Variants in DCAF7 observed in about 807,000 individuals in gnomAD.
The protein encoded by DCAF7 is DDB1- and CUL4-associated factor 7.
Under a neutral mutation model 41.2 loss-of-function variants are expected in DCAF7, and 4 were observed. That is an observed-to-expected ratio of 0.10 (90% CI 0.05 to 0.22). The LOEUF (loss-of-function observed/expected upper bound fraction) is 0.22, where lower values mean the gene tolerates loss of function less well. Among genes scored for constraint, DCAF7 ranks in the 10% least tolerant of loss-of-function variants. The pLI is 1.00. For synonymous variants in DCAF7, 143 were observed against 164.2 expected, an observed-to-expected ratio of 0.87 and a Z score of 0.99; for missense variants, 131 against 443.2, an observed-to-expected ratio of 0.30 and a Z score of 6.32.
chr17:63,550,663 G>A lies in DCAF7; in HGVS notation c.-15G>A. The A allele has an allele frequency of 6.2e-7, 1 of 1,612,632 alleles. No individual in the cohort carries two copies. Reference sequence around the variant, plus strand: ...CCACTGTTGACCCGGCCCGTACTGCGGCCCCGTGGCCACCATGTCCCTGCA... The same window carrying A: ...CCACTGTTGACCCGGCCCGTACTGCAGCCCCGTGGCCACCATGTCCCTGCA... On this transcript the variant is annotated 5_prime_UTR_variant, in exon 1 of 7. Transcript: ENST00000614556. This position sits in a 1 kb window ranked among gnomAD's most constrained non-coding sequence, Gnocchi z 4.8.
Position 63,593,699 on chromosome 17 carries a change from G to A in DCAF7, c.*4527G>A, listed in dbSNP as rs2033757221. 1 of 152,616 alleles carries A rather than the reference G, an allele frequency of 6.6e-6. No homozygotes were observed. The highest frequency in any genetic ancestry group is 1.5e-5 in the Non-Finnish European group (1 of 68,038). 9.5% of individuals were successfully genotyped at this position (152,616 alleles called of 1,614,324 possible). Reference sequence around the variant, plus strand: ...TGAAGCTTTGAATCGATTTAGTTGAGTCTGACTCACTTGCTTTGGTTCCTG... The same window carrying A: ...TGAAGCTTTGAATCGATTTAGTTGAATCTGACTCACTTGCTTTGGTTCCTG... On this transcript the variant is annotated 3_prime_UTR_variant, in exon 7 of 7. Transcript: ENST00000614556.
At chr17:63,578,085 A>G (rs1213504642) in intron 1 of DCAF7, among the ~76,000 whole-genome samples, 2 of 152,192 alleles carry the variant, frequency 1.3e-5, no homozygotes, top group Non-Finnish European at 2.9e-5. Flanking sequence ...GTCACTGGCC[A>G]GGCATAGTGA....
At chr17:63,583,787 C>A in intron 5 of DCAF7, 76 bp downstream of exon 5, 1 of 1,461,796 alleles carries the variant, frequency 6.8e-7, no homozygotes, top group East Asian at 2.4e-5. Flanking sequence ...GGCTGGTTCT[C>A]AACTGGAGCA....
At chr17:63,571,905 C>T (rs1187906191) in intron 1 of DCAF7, among the ~76,000 whole-genome samples, 1 of 151,908 alleles carries the variant, frequency 6.6e-6, no homozygotes, top group Non-Finnish European at 1.5e-5. Flanking sequence ...GAATGTAAAC[C>T]TCTTCAGGCA....
At chr17:63,583,175 CTTG>C (rs1424581500) in intron 4 of DCAF7, among the ~76,000 whole-genome samples, 1 of 152,164 alleles carries the variant, frequency 6.6e-6, no homozygotes, top group Admixed American at 6.5e-5. Flanking sequence ...GTGTCTCATT[CTTG>C]TTGTGTGGCA....
chr17:63,551,138 G>A (rs1372265978), intron 1 of DCAF7, among the ~76,000 whole-genome samples: 1 of 152,128 alleles, frequency 6.6e-6, no homozygotes, highest in Non-Finnish European at 1.5e-5. Context: ...TATTCATCCC[G>A]TGCTCTCCAC....
chr17:63,562,104 G>C (rs1478880049), intron 1 of DCAF7, among the ~76,000 whole-genome samples: 1 of 151,856 alleles, frequency 6.6e-6, no homozygotes, highest in Non-Finnish European at 1.5e-5. Flanking sequence ...TACTGGAATT[G>C]ATATAGCCAG....
intron 1 of DCAF7, among the ~76,000 whole-genome samples, chr17:63,555,905 C>T (rs1333397210): frequency 6.6e-6 from 1 of 152,212 alleles, no homozygotes; most frequent in African/African-American, 2.4e-5. Context: ...CCTGGCTTGC[C>T]TAAGGACTTG....
At chr17:63,587,037 G>T (rs906242042) in intron 6 of DCAF7, among the ~76,000 whole-genome samples, 2 of 152,130 alleles carry the variant, frequency 1.3e-5, no homozygotes, top group Non-Finnish European at 2.9e-5. Flanking sequence ...CTTTTGCACT[G>T]ATAGGATTCT....
chr17:63,575,073 C>CTTCT (rs1450669810), intron 1 of DCAF7, among the ~76,000 whole-genome samples: 2 of 152,202 alleles, frequency 1.3e-5, no homozygotes, highest in African/African-American at 4.8e-5. Context: ...TCCCAGAACT[C>CTTCT]TGTCAGGCTG....
At chr17:63,587,980 CATTTA>C (rs2033694644) in intron 6 of DCAF7, among the ~76,000 whole-genome samples, 1 of 128,260 alleles carries the variant, frequency 7.8e-6, no homozygotes, top group African/African-American at 3.4e-5. Flanking sequence ...AATGAGACTC[CATTTA>C]AAAAAAAAAA....
rs1182524589 is a variant in DCAF7 at position 63,589,880 on chromosome 17, T to G, written c.*708T>G. 1 of 153,278 alleles carries G rather than the reference T, an allele frequency of 6.5e-6. No individual in the cohort carries two copies. The highest frequency in any genetic ancestry group is 2.4e-5 in the African/African-American group (1 of 41,432). 9.5% of individuals were successfully genotyped at this position (153,278 alleles called of 1,614,324 possible). On this transcript the variant is annotated 3_prime_UTR_variant, in exon 7 of 7. Transcript: ENST00000614556. ...CCTTGGTGCTCTGAAGTCCACTGAC[T>G]CATCACACCTTTCTTAGCCTGGCTC...
At chr17:63,581,140 GCT>G (rs1298052780) in intron 4 of DCAF7, among the ~76,000 whole-genome samples, 1 of 152,160 alleles carries the variant, frequency 6.6e-6, no homozygotes, top group Non-Finnish European at 1.5e-5. Flanking sequence ...AGAGTTGACT[GCT>G]GCTAAACCAG....
rs74760380 is a variant in DCAF7 at position 63,574,200 on chromosome 17, A to G, written c.139-4270A>G. Among the ~76,000 whole-genome samples, 1,350 of 152,198 alleles carry G rather than the reference A, an allele frequency of 8.9e-3. 18 individuals carry two copies. Among genetic ancestry groups the G allele is most frequent in the Middle Eastern group, 0.031 (9 of 294 alleles). ...CCTTCCCTTTCCTATTTGCCTACCCAGATCCTTCCTATTCTCCTTTGAAGA... is the reference window on the plus strand; with the variant it reads ...CCTTCCCTTTCCTATTTGCCTACCCGGATCCTTCCTATTCTCCTTTGAAGA... On this transcript the variant is annotated intron_variant, in intron 1 of 6. Coordinates refer to ENST00000614556, the MANE Select transcript of DCAF7 (RefSeq NM_005828.5).
In DCAF7 at chr17:63,591,849, G is replaced by C. The variant is rs749324148; in HGVS notation, c.*2677G>C. ...AGCAGGAAGCCCACATGGAGGCTCCGCCAGGCTGTGGCCCAGCTGGTGATG... is the reference window on the plus strand; with the variant it reads ...AGCAGGAAGCCCACATGGAGGCTCCCCCAGGCTGTGGCCCAGCTGGTGATG... On this transcript the variant is annotated 3_prime_UTR_variant, in exon 7 of 7. Transcript: ENST00000614556. 6 of 152,372 alleles carry C rather than the reference G, an allele frequency of 3.9e-5. No individual in the cohort carries two copies. Among genetic ancestry groups the C allele is most frequent in the African/African-American group, 1.4e-4 (6 of 41,456 alleles). The allele number at this position is 152,372 out of a possible 1,614,324, so 9.4% of individuals were successfully genotyped here.
chr17:63,550,545 T>C lies in DCAF7; in HGVS notation c.-133T>C. 3 of 1,381,764 alleles carry C rather than the reference T, an allele frequency of 2.2e-6. No individual in the cohort carries two copies. The highest frequency in any genetic ancestry group is 2.9e-5 in the African/African-American group (2 of 69,492). 85.6% of individuals were successfully genotyped at this position (1,381,764 alleles called of 1,614,324 possible). On this transcript the variant is annotated 5_prime_UTR_variant, in exon 1 of 7. Transcript: ENST00000614556. The surrounding 1 kb of genome is among the most constrained non-coding windows in gnomAD (Gnocchi z 4.8). ...GCCGTCGTCGTTGTTTGTCGCCGCA[T>C]CCCCGCTTCCGGGTTAGGCCGTTCC... is the stretch of plus-strand genomic sequence containing the variant.
intron 1 of DCAF7, among the ~76,000 whole-genome samples, chr17:63,574,556 A>G (rs1045922350): frequency 2.0e-5 from 3 of 152,248 alleles, no homozygotes; most frequent in African/African-American, 7.2e-5. Flanking sequence ...ATCCTTAGGA[A>G]TCTACAAAAA....
At chr17:63,571,965 A>G (rs1215290294) in intron 1 of DCAF7, among the ~76,000 whole-genome samples, 1 of 151,950 alleles carries the variant, frequency 6.6e-6, no homozygotes, top group East Asian at 1.9e-4. Flanking sequence ...TACAAGCAGA[A>G]GTAAGACACA....
chr17:63,582,651 A>C (rs1181823081), intron 4 of DCAF7, among the ~76,000 whole-genome samples: 2 of 151,876 alleles, frequency 1.3e-5, no homozygotes, highest in African/African-American at 4.8e-5. Context: ...TTGTATTTTT[A>C]GTAGAGATGG....
Sources: gnomAD v4.1 joint callset for allele counts (sites outside exome capture counted in the v4.1 genomes callset) on GRCh38, gnomAD v4.1.1 for gene constraint, Gnocchi (gnomAD v3.1) non-coding constraint, MANE v1.5 for transcripts, NCBI Gene and HGNC (gene_info 2026-07-23, HGNC 2026-07-21) for gene names.